Variants in DOCK3 observed in about 807,000 individuals in gnomAD.
DOCK3 encodes the protein dedicator of cytokinesis 3, also known as dedicator of cytokinesis protein 3.
Under a neutral mutation model 265.6 loss-of-function variants are expected in DOCK3, and 60 were observed. That is an observed-to-expected ratio of 0.23 (90% CI 0.18 to 0.28). The LOEUF is 0.28. Ranked by LOEUF, DOCK3 falls within the 10% of genes least tolerant of loss-of-function variation. The probability of loss-of-function intolerance (pLI) is 1.00; values close to 1 mark genes in which losing one functional copy is unlikely to be tolerated. For synonymous variants in DOCK3, 881 were observed against 938.0 expected, an observed-to-expected ratio of 0.94 and a Z score of 1.11; for missense variants, 1,981 against 2,594.3, an observed-to-expected ratio of 0.76 and a Z score of 5.14.
At chr3:51,345,622 C>CAA (rs58519353) in intron 38 of DOCK3, among the ~76,000 whole-genome samples, 7 of 151,516 alleles carry the variant, frequency 4.6e-5, no homozygotes, top group Admixed American at 2.6e-4. Flanking sequence ...ACCTTGTTTC[C>CAA]AAAAAAAACA....
chr3:51,041,951 T>C (rs1223508092), intron 5 of DOCK3, among the ~76,000 whole-genome samples: 1 of 152,146 alleles, frequency 6.6e-6, no homozygotes, highest in African/African-American at 2.4e-5. Flanking sequence ...CACTGACTTC[T>C]CCCTAGCCAT....
chr3:51,279,033 G>C (rs1306993024), intron 26 of DOCK3, among the ~76,000 whole-genome samples: 2 of 152,140 alleles, frequency 1.3e-5, no homozygotes, highest in Non-Finnish European at 2.9e-5. Flanking sequence ...TGGATCATCT[G>C]AGGTCAGGAG....
intron 2 of DOCK3, among the ~76,000 whole-genome samples, chr3:50,832,350 A>G (rs558288776): frequency 1.7e-4 from 26 of 152,358 alleles, no homozygotes; most frequent in African/African-American, 5.8e-4. Flanking sequence ...ACAAAAGCCA[A>G]AATTGACAAA....
chr3:51,355,116 T>C (rs1273246747), intron 41 of DOCK3, 93 bp downstream of exon 41: 16 of 1,491,866 alleles, frequency 1.1e-5, no homozygotes, highest in Non-Finnish European at 1.3e-5. Flanking sequence ...TTGCCAACCA[T>C]ACAGGTTTAG....
intron 2 of DOCK3, 132 bp downstream of exon 2, chr3:50,778,890 A>G (rs934159721): frequency 2.0e-4 from 118 of 586,228 alleles, no homozygotes; most frequent in African/African-American, 1.9e-3. Context: ...ATAGTGTTAT[A>G]TAAAATTCTT....
At chr3:51,133,213 G>A (rs542706057) in intron 9 of DOCK3, among the ~76,000 whole-genome samples, 33 of 152,088 alleles carry the variant, frequency 2.2e-4, no homozygotes, top group African/African-American at 6.0e-4. Context: ...TGTGCACAAC[G>A]TGCAGGTTTG....
intron 27 of DOCK3, among the ~76,000 whole-genome samples, chr3:51,299,440 T>A (rs1487175314): frequency 6.6e-6 from 1 of 152,218 alleles, no homozygotes; most frequent in African/African-American, 2.4e-5. Context: ...ATTTGTCAAT[T>A]TCTGCTTTTG....
chr3:51,275,015 C>T, intron 24 of DOCK3, 64 bp from the exon 25 acceptor site: 1 of 1,606,510 alleles, frequency 6.2e-7, no homozygotes, highest in Non-Finnish European at 8.5e-7. Flanking sequence ...CACAATGCCA[C>T]TGGCTTCCTG....
intron 5 of DOCK3, among the ~76,000 whole-genome samples, chr3:50,958,081 C>T (rs2076777769): frequency 6.6e-6 from 1 of 152,194 alleles, no homozygotes; most frequent in Non-Finnish European, 1.5e-5. Context: ...GATATGTCTT[C>T]TAATTTCTCC....
chr3:51,123,459 C>G (rs2084125469), intron 9 of DOCK3, among the ~76,000 whole-genome samples: 1 of 152,186 alleles, frequency 6.6e-6, no homozygotes. Flanking sequence ...ACTACAAGGA[C>G]TCATAGGGCT....
intron 1 of DOCK3, among the ~76,000 whole-genome samples, chr3:50,761,072 A>G (rs978833087): frequency 6.6e-6 from 1 of 151,050 alleles, no homozygotes; most frequent in African/African-American, 2.4e-5. Flanking sequence ...GAGCCACCGC[A>G]CCTGGATGGA....
chr3:50,687,684 G>A (rs2034925784), intron 1 of DOCK3, among the ~76,000 whole-genome samples: 1 of 152,154 alleles, frequency 6.6e-6, no homozygotes, highest in Non-Finnish European at 1.5e-5. Flanking sequence ...TTTTGACACC[G>A]TGCATAGACT....
intron 2 of DOCK3, among the ~76,000 whole-genome samples, chr3:50,796,900 ACT>A (rs1462871056): frequency 2.0e-5 from 3 of 150,530 alleles, no homozygotes; most frequent in Admixed American, 6.6e-5. Context: ...GCATGCTCTA[ACT>A]CTGGGTGACT....
chr3:51,356,930 C>T, intron 43 of DOCK3, 32 bp from the exon 44 acceptor site: 1 of 1,586,378 alleles, frequency 6.3e-7, no homozygotes, highest in Non-Finnish European at 8.6e-7. Context: ...ATCATCATTT[C>T]TGGGATGACT....
intron 22 of DOCK3, among the ~76,000 whole-genome samples, chr3:51,250,494 C>G (rs1304198003): frequency 6.6e-6 from 1 of 152,058 alleles, no homozygotes; most frequent in Non-Finnish European, 1.5e-5. Flanking sequence ...TGGCATGCAC[C>G]TGTAATCCCA....
At chr3:50,981,899 G>C (rs1019181759) in intron 5 of DOCK3, among the ~76,000 whole-genome samples, 1 of 151,846 alleles carries the variant, frequency 6.6e-6, no homozygotes, top group Non-Finnish European at 1.5e-5. Flanking sequence ...GCCCAGGCTG[G>C]AGTGCATTGG....
At chr3:50,908,120 GTAGC>G (rs2049634797) in intron 4 of DOCK3, among the ~76,000 whole-genome samples, 1 of 147,980 alleles carries the variant, frequency 6.8e-6, no homozygotes, top group Non-Finnish European at 1.5e-5. Context: ...TATTATGTGT[GTAGC>G]TAGCGGTCTA....
intron 5 of DOCK3, among the ~76,000 whole-genome samples, chr3:51,032,976 G>A (rs891833381): frequency 2.6e-5 from 4 of 152,134 alleles, no homozygotes; most frequent in African/African-American, 9.7e-5. Context: ...AGACTCTTCT[G>A]TATCAGCCAT....
intron 7 of DOCK3, among the ~76,000 whole-genome samples, chr3:51,083,098 C>G (rs935535551): frequency 6.6e-6 from 1 of 152,132 alleles, no homozygotes; most frequent in South Asian, 2.1e-4. Flanking sequence ...AAGGACCAGC[C>G]CATCTGATCT....
Sources: allele counts gnomAD v4.1 joint callset (sites outside exome capture counted in the v4.1 genomes callset), GRCh38; gene constraint gnomAD v4.1.1; transcripts MANE v1.5; gene names NCBI Gene and HGNC (gene_info 2026-07-23, HGNC 2026-07-21).